SASH1: variants seen among roughly 807,000 people sequenced by gnomAD.
SASH1 encodes SAM and SH3 domain containing 1.
SASH1 carries 44 observed loss-of-function variants against 125.2 expected under a neutral mutation model. The observed-to-expected ratio is 0.35, with a 90% confidence interval of 0.28 to 0.45. The LOEUF is 0.45. Ranked by LOEUF, SASH1 falls within the 20% of genes least tolerant of loss-of-function variation. The pLI, the probability that SASH1 is intolerant of heterozygous loss-of-function variation, is 1.00. For synonymous variants in SASH1, 639 were observed against 649.1 expected (o/e 0.98, Z 0.24); for missense variants, 1,426 against 1,614.5 (o/e 0.88, Z 2.00).
At chr6:148,306,541 C>T (rs74993222) in intron 1 of SASH1, among the ~76,000 whole-genome samples, 5,996 of 152,266 alleles carry the variant, frequency 0.039, 152 homozygotes, top group Middle Eastern at 0.071. Context: ...CTTCAACCCA[C>T]ACTAAGTTTC....
intron 1 of SASH1, among the ~76,000 whole-genome samples, chr6:148,323,253 G>A (rs1359516169): frequency 6.6e-6 from 1 of 151,996 alleles, no homozygotes; most frequent in East Asian, 1.9e-4. Context: ...CAAGTGATCT[G>A]CCCGCCTCGG....
At chr6:148,505,421 C>A (rs561589570) in intron 8 of SASH1, among the ~76,000 whole-genome samples, 1 of 152,276 alleles carries the variant, frequency 6.6e-6, no homozygotes, top group Admixed American at 6.5e-5. Flanking sequence ...TCAAGCGATT[C>A]TTGTGTCTCA....
chr6:148,261,100 C>T, the SASH1 span, among the ~76,000 whole-genome samples: 2 of 152,066 alleles, frequency 1.3e-5, no homozygotes, highest in Admixed American at 6.5e-5. Flanking sequence ...CCACTGCGCC[C>T]GGCATAAGGG....
At chr6:148,318,090 C>G (rs192847236) in intron 1 of SASH1, among the ~76,000 whole-genome samples, 1 of 152,204 alleles carries the variant, frequency 6.6e-6, no homozygotes, top group Non-Finnish European at 1.5e-5. Context: ...GCACTAGTAT[C>G]GTGGCCCTCA....
chr6:148,218,770 T>G, the SASH1 span, among the ~76,000 whole-genome samples: 536 of 152,244 alleles, frequency 3.5e-3, 4 homozygotes, highest in African/African-American at 0.012. Flanking sequence ...CAGTTCAGAG[T>G]CCACACCACC....
At chr6:148,338,289 T>C (rs550318007), upstream of SASH1, among the ~76,000 whole-genome samples, 9 of 151,976 alleles carry the variant, frequency 5.9e-5, no homozygotes, top group South Asian at 2.1e-4. Flanking sequence ...TAGCCTGGCA[T>C]GGTGGCACGT....
chr6:148,511,598 G>C (rs1780144299), intron 8 of SASH1, among the ~76,000 whole-genome samples: 1 of 152,146 alleles, frequency 6.6e-6, no homozygotes, highest in African/African-American at 2.4e-5. Flanking sequence ...ATTCAAAGGT[G>C]TGTTTCTCAA....
rs1781400669 is a variant in SASH1, at chr6:148,529,794, G to GTTGT, written c.1429-1729_1429-1726dup. ...CAAAAATAATGGAAGGTTTTATGTG[G>GTTGT]TTGTTTTTTTTTTGTTTTTGTTTTT... On this transcript the variant is annotated intron_variant, in intron 12 of 19. Transcript: ENST00000367467. This position sits in a 1 kb window ranked among gnomAD's most constrained non-coding sequence, Gnocchi z 4.2. Among the ~76,000 whole-genome samples the GTTGT allele has an allele frequency of 6.7e-6, 1 of 149,838 alleles. No individual in the cohort carries two copies. Among genetic ancestry groups the GTTGT allele is most frequent in the Non-Finnish European group, 1.5e-5 (1 of 67,868 alleles).
chr6:148,336,950 A>T (rs1458042628), intron 1 of SASH1, among the ~76,000 whole-genome samples: 1 of 152,204 alleles, frequency 6.6e-6, no homozygotes, highest in Non-Finnish European at 1.5e-5. Flanking sequence ...TACATTTCGT[A>T]TGTTGACATA....
chr6:148,281,321 A>G (rs1011594823), intron 1 of SASH1, among the ~76,000 whole-genome samples: 3 of 152,050 alleles, frequency 2.0e-5, no homozygotes, highest in Non-Finnish European at 4.4e-5. Flanking sequence ...TTCTGAGGGC[A>G]AACGATTTCC....
chr6:148,474,322 G>A (rs1778248257), intron 7 of SASH1, 100 bp downstream of exon 7: 2 of 653,158 alleles, frequency 3.1e-6, no homozygotes, highest in Non-Finnish European at 5.4e-6. Context: ...AGGTACCCAT[G>A]TTGTCAGATA....
At chr6:148,307,723 A>T (rs1326768473) in intron 1 of SASH1, among the ~76,000 whole-genome samples, 1 of 152,040 alleles carries the variant, frequency 6.6e-6, no homozygotes, top group Admixed American at 6.6e-5. Context: ...GAATTAGGTT[A>T]TTAAAATGTC....
intron 1 of SASH1, among the ~76,000 whole-genome samples, chr6:148,293,517 G>C (rs909224647): frequency 2.2e-4 from 34 of 152,194 alleles, no homozygotes; most frequent in African/African-American, 8.2e-4. Flanking sequence ...GGGCAGCACT[G>C]TGTGTGGAGG....
At chr6:148,237,571 G>C in the SASH1 span, 3 of 152,126 alleles carry the variant, frequency 2.0e-5, no homozygotes, top group Middle Eastern at 3.2e-3. Flanking sequence ...ATTATAACCA[G>C]TGTCGATTCT....
intron 1 of SASH1, among the ~76,000 whole-genome samples, chr6:148,363,385 G>C (rs1012936561): frequency 6.6e-6 from 1 of 151,632 alleles, no homozygotes; most frequent in Non-Finnish European, 1.5e-5. Flanking sequence ...CCAATGATGC[G>C]CCTGCCTGGG....
chr6:148,298,871 A>G (rs1389789658), intron 1 of SASH1, among the ~76,000 whole-genome samples: 3 of 39,490 alleles, frequency 7.6e-5, no homozygotes, highest in Non-Finnish European at 1.5e-4. Flanking sequence ...GAGGGAGGGA[A>G]GTAAGGAGGG....
Position 148,398,415 on chromosome 6 carries a change from A to G in SASH1, c.285+8153A>G, listed in dbSNP as rs368967993. ...TTATTTGCTACAGACAGCAAAGCAT[A>G]TGGGAAACAGGTTTCCTGTTGTACA... On this transcript the variant is annotated intron_variant, in intron 2 of 19. Transcript: ENST00000367467. 1.2e-3 allele frequency among the ~76,000 whole-genome samples: 176 copies of G among 152,262 alleles called. 2 individuals carry two copies. In the South Asian group the frequency reaches 0.034, roughly 29 times the overall value.
At chr6:148,330,559 CTTA>C (rs1690326885) in intron 1 of SASH1, among the ~76,000 whole-genome samples, 2 of 152,070 alleles carry the variant, frequency 1.3e-5, no homozygotes, top group South Asian at 4.1e-4. Flanking sequence ...TCTCTGGTCT[CTTA>C]TTAACACATT....
chr6:148,234,699 C>T, the SASH1 span, among the ~76,000 whole-genome samples: 3 of 152,004 alleles, frequency 2.0e-5, no homozygotes, highest in East Asian at 5.8e-4. Flanking sequence ...TGGTGGCAGA[C>T]ACCTGTAATC....
Sources: allele counts gnomAD v4.1 joint callset (sites outside exome capture counted in the v4.1 genomes callset), GRCh38; gene constraint gnomAD v4.1.1; non-coding constraint Gnocchi (gnomAD v3.1); transcripts MANE v1.5; gene names NCBI Gene and HGNC (gene_info 2026-07-23, HGNC 2026-07-21).